Variants in CASTOR2 observed in about 807,000 individuals in gnomAD.
The protein encoded by CASTOR2 is cytosolic arginine sensor for mTORC1 subunit 2.
CASTOR2 carries 8 observed loss-of-function variants against 31.2 expected under a neutral mutation model. The ratio of observed to expected loss-of-function variants is 0.26; its 90% CI spans 0.15 to 0.46. The LOEUF (loss-of-function observed/expected upper bound fraction) is 0.46. Among genes scored for constraint, CASTOR2 ranks in the 20% least tolerant of loss-of-function variants. The pLI is 0.99. For missense variants in CASTOR2, 216 were observed against 382.1 expected, an observed-to-expected ratio of 0.57 and a Z score of 3.62; for synonymous variants, 162 against 158.7, an observed-to-expected ratio of 1.02 and a Z score of -0.16.
At chr7:74,987,692 T>G (rs1804104557) in intron 1 of CASTOR2, among the ~76,000 whole-genome samples, 1 of 152,144 alleles carries the variant, frequency 6.6e-6, no homozygotes, top group Non-Finnish European at 1.5e-5. Context: ...AGTGAGAAGG[T>G]TCTGTCTGGT....
chr7:75,024,247 G>A (rs1349888156), intron 7 of CASTOR2, among the ~76,000 whole-genome samples, 193 bp from the exon 8 acceptor site: 2 of 152,128 alleles, frequency 1.3e-5, no homozygotes, highest in South Asian at 2.1e-4. Flanking sequence ...GTGAGCTCAC[G>A]CCAGTGCACT....
chr7:75,000,701 A>C (rs1401573834), intron 1 of CASTOR2, among the ~76,000 whole-genome samples: 3 of 152,098 alleles, frequency 2.0e-5, no homozygotes, highest in Non-Finnish European at 4.4e-5. Context: ...TCTGTCACCC[A>C]GTCTGGAGTG....
Position 75,028,088 on chromosome 7 carries a change from G to T in CASTOR2, c.*3389G>T. 6.5e-7 allele frequency: 1 copy of T among 1,530,058 alleles called. No individual in the cohort carries two copies. Among genetic ancestry groups the T allele is most frequent in the Non-Finnish European group, 8.7e-7 (1 of 1,145,302 alleles). The allele number at this position is 1,530,058 out of a possible 1,614,324, so 94.8% of individuals were successfully genotyped here. ...GCGGATGGGGCAGGTGCCTGGCGGG[G>T]GAGGAAGAGGGCTCTCTATGATGTG... is the stretch of plus-strand genomic sequence containing the variant. On this transcript the variant is annotated 3_prime_UTR_variant, in exon 9 of 9. Transcript: ENST00000616305.
intron 1 of CASTOR2, among the ~76,000 whole-genome samples, chr7:74,995,502 C>CA (rs1380781112): frequency 3.7e-4 from 3 of 8,028 alleles, no homozygotes; most frequent in East Asian, 0.014. Context: ...CCTGTCTTTA[C>CA]AAAAAAATGA....
chr7:75,011,578 CA>C (rs1443307117), intron 2 of CASTOR2, among the ~76,000 whole-genome samples: 2 of 150,942 alleles, frequency 1.3e-5, no homozygotes. Context: ...ACTAAAAATA[CA>C]AAAAAAATTT....
intron 2 of CASTOR2, among the ~76,000 whole-genome samples, chr7:75,008,521 C>T (rs1314466976): frequency 1.3e-5 from 2 of 151,600 alleles, no homozygotes; most frequent in African/African-American, 2.4e-5. Context: ...AGTGAGACCC[C>T]GTCTCTACTA....
intron 1 of CASTOR2, 176 bp from the exon 2 acceptor site, chr7:75,007,818 A>G (rs1759807707): frequency 1.3e-6 from 1 of 773,812 alleles, no homozygotes. Flanking sequence ...CTCCTGAGTG[A>G]GAACTGAGTA....
chr7:75,017,264 T>C (rs1482121808), intron 2 of CASTOR2, among the ~76,000 whole-genome samples: 17 of 152,048 alleles, frequency 1.1e-4, no homozygotes, highest in Non-Finnish European at 1.9e-4. Context: ...CTGGCCAACA[T>C]GGTGAAACCC....
chr7:75,006,549 T>C (rs1804609552), intron 1 of CASTOR2, among the ~76,000 whole-genome samples: 1 of 152,104 alleles, frequency 6.6e-6, no homozygotes, highest in Non-Finnish European at 1.5e-5. Flanking sequence ...CCCTTTTCCA[T>C]TTGCATCTTT....
intron 1 of CASTOR2, among the ~76,000 whole-genome samples, chr7:74,975,867 T>C (rs1803795996): frequency 1.5e-5 from 2 of 135,070 alleles, no homozygotes; most frequent in Non-Finnish European, 3.2e-5. Flanking sequence ...GATCCCTTGC[T>C]CTGTAGGAAA....
intron 1 of CASTOR2, among the ~76,000 whole-genome samples, chr7:75,006,575 T>TG (rs1423345389): frequency 1.3e-5 from 2 of 152,110 alleles, no homozygotes; most frequent in Admixed American, 6.5e-5. Flanking sequence ...GAGTGATACT[T>TG]GCCCTTTGCC....
In CASTOR2 at chr7:75,024,939, TACCTCCCCC is replaced by T; in HGVS notation, c.*244_*252del. On this transcript the variant is annotated 3_prime_UTR_variant, in exon 9 of 9. Transcript: ENST00000616305. ...TCCAGAGAACGACCTTTCTCTTCCC[TACCTCCCCC>T]ACCCCGGAAAATGCTTTCGGAGGCC... 1.1e-6 allele frequency: 1 copy of T among 896,528 alleles called. No homozygotes were observed. Among genetic ancestry groups the T allele is most frequent in the Non-Finnish European group, 1.7e-6 (1 of 591,662 alleles). The allele number at this position is 896,528 out of a possible 1,614,324, so 55.5% of individuals were successfully genotyped here. A position where few individuals can be genotyped will look rare whatever the true frequency, so the allele number is the denominator to read the frequency against.
intron 5 of CASTOR2, 66 bp from the exon 6 acceptor site, chr7:75,019,973 T>A: frequency 1.4e-6 from 2 of 1,479,634 alleles, no homozygotes; most frequent in Non-Finnish European, 1.8e-6. Context: ...CCAGCTTCCC[T>A]GGGCTGGTGT....
chr7:75,028,920 T>TC lies in CASTOR2; in HGVS notation c.*4222dup, dbSNP rs1231902325. On this transcript the variant is annotated 3_prime_UTR_variant, in exon 9 of 9. Transcript: ENST00000616305. ...AAACCACTGGCATTCTCACCTCCTC[T>TC]CACCTCCAGGCACCAGGCTGCTGGT... Among the ~76,000 whole-genome samples, 2 of 152,136 alleles carry TC rather than the reference T, an allele frequency of 1.3e-5. No individual in the cohort carries two copies. Among genetic ancestry groups the TC allele is most frequent in the Non-Finnish European group, 2.9e-5 (2 of 68,014 alleles).
chr7:75,007,473 C>T (rs1307285187), intron 1 of CASTOR2, among the ~76,000 whole-genome samples: 1 of 152,112 alleles, frequency 6.6e-6, no homozygotes, highest in African/African-American at 2.4e-5. Context: ...ATTCCTCTCT[C>T]TTTAGGGATG....
intron 1 of CASTOR2, among the ~76,000 whole-genome samples, chr7:75,006,001 G>A (rs1443030040): frequency 6.6e-6 from 1 of 152,154 alleles, no homozygotes; most frequent in Non-Finnish European, 1.5e-5. Context: ...GTGGTGGTGG[G>A]CGCCTGTAAG....
At chr7:75,003,872 G>A (rs1232368709) in intron 1 of CASTOR2, among the ~76,000 whole-genome samples, 1 of 152,038 alleles carries the variant, frequency 6.6e-6, no homozygotes, top group Non-Finnish European at 1.5e-5. Context: ...TGCCCTCCCC[G>A]AAGCCCACCC....
chr7:75,001,740 G>T (rs1267221537), intron 1 of CASTOR2, among the ~76,000 whole-genome samples: 1 of 152,262 alleles, frequency 6.6e-6, no homozygotes, highest in Non-Finnish European at 1.5e-5. Context: ...CAAGGTGTGT[G>T]TACGGAGGAC....
intron 1 of CASTOR2, among the ~76,000 whole-genome samples, chr7:75,006,100 C>G (rs1277820690): frequency 4.6e-5 from 7 of 152,142 alleles, no homozygotes; most frequent in African/African-American, 1.7e-4. Context: ...ACTGCACTAG[C>G]CTCGGTGACA....
Sources: allele counts gnomAD v4.1 joint callset (sites outside exome capture counted in the v4.1 genomes callset), GRCh38; gene constraint gnomAD v4.1.1; transcripts MANE v1.5; gene names NCBI Gene and HGNC (gene_info 2026-07-23, HGNC 2026-07-21).